The following FARS2 variants were observed in gnomAD, a reference collection of about 807,000 sequenced individuals.
The protein encoded by FARS2 is phenylalanine--tRNA ligase, mitochondrial.
In FARS2, 40 loss-of-function variants were observed where a neutral mutation model predicts 46.4. The observed-to-expected ratio is 0.86, with a 90% confidence interval of 0.67 to 1.12. The LOEUF is 1.12. Ranked by LOEUF, FARS2 falls within the 50% of genes most tolerant of loss-of-function variation. The pLI is 0.00. For missense variants in FARS2, 513 were observed against 567.9 expected, an observed-to-expected ratio of 0.90 and a Z score of 0.98; for synonymous variants, 234 against 214.9, an observed-to-expected ratio of 1.09 and a Z score of -0.78.
intron 2 of FARS2, among the ~76,000 whole-genome samples, chr6:5,390,325 C>T (rs962829288): frequency 5.9e-5 from 9 of 152,182 alleles, no homozygotes; most frequent in African/African-American, 2.2e-4. Context: ...ATTTCATCAG[C>T]GTTAGGATTA....
At chr6:5,308,879 G>C (rs1768904872) in intron 1 of FARS2, among the ~76,000 whole-genome samples, 1 of 152,170 alleles carries the variant, frequency 6.6e-6, no homozygotes, top group South Asian at 2.1e-4. Flanking sequence ...TTTGATGTCT[G>C]GTAGGGCTTT....
intron 5 of FARS2, among the ~76,000 whole-genome samples, chr6:5,580,981 C>A (rs1468561082): frequency 1.3e-5 from 2 of 152,346 alleles, no homozygotes; most frequent in South Asian, 2.1e-4. Context: ...AAAGTTTTCC[C>A]TCTGTGTGCA....
intron 6 of FARS2, among the ~76,000 whole-genome samples, chr6:5,669,320 G>T (rs1778324287): frequency 6.6e-6 from 1 of 152,074 alleles, no homozygotes; most frequent in Admixed American, 6.5e-5. Context: ...TGCTCCCGCA[G>T]GTCCCATAGT....
chr6:5,766,906 A>T (rs143307715), intron 6 of FARS2, among the ~76,000 whole-genome samples: 3 of 151,100 alleles, frequency 2.0e-5, no homozygotes, highest in Non-Finnish European at 4.4e-5. Flanking sequence ...ATTGTACAAT[A>T]TGTGTTCTAT....
intron 4 of FARS2, among the ~76,000 whole-genome samples, chr6:5,490,114 C>G (rs1035210177): frequency 1.3e-5 from 2 of 152,116 alleles, no homozygotes; most frequent in Admixed American, 6.5e-5. Flanking sequence ...TATGGTTTGC[C>G]TTTTCTAGAA....
intron 4 of FARS2, among the ~76,000 whole-genome samples, chr6:5,535,221 G>T (rs1341101743): frequency 6.6e-6 from 1 of 152,074 alleles, no homozygotes. Context: ...TTTGCCTATT[G>T]TTCCATTTAT....
intron 3 of FARS2, among the ~76,000 whole-genome samples, chr6:5,405,990 A>G (rs908610842): frequency 6.6e-6 from 1 of 152,204 alleles, no homozygotes; most frequent in African/African-American, 2.4e-5. Context: ...ATTTTTCAAA[A>G]AATATTTGTT....
chr6:5,299,303 A>G (rs1470587726), intron 1 of FARS2, among the ~76,000 whole-genome samples: 1 of 152,196 alleles, frequency 6.6e-6, no homozygotes, highest in African/African-American at 2.4e-5. Context: ...ACTCCTGTGT[A>G]TTTAAACACT....
intron 5 of FARS2, among the ~76,000 whole-genome samples, chr6:5,603,455 G>A (rs1052950320): frequency 3.3e-5 from 5 of 152,160 alleles, no homozygotes; most frequent in Non-Finnish European, 7.3e-5. Flanking sequence ...TCATAAACAG[G>A]TACCACAGCC....
At chr6:5,760,663 C>T (rs1040460596) in intron 6 of FARS2, among the ~76,000 whole-genome samples, 4 of 152,264 alleles carry the variant, frequency 2.6e-5, no homozygotes, top group Non-Finnish European at 4.4e-5. Context: ...TTTCTGTACT[C>T]TACCGTCTGT....
intron 4 of FARS2, among the ~76,000 whole-genome samples, chr6:5,461,483 ACAAT>A (rs1163638706): frequency 7.2e-5 from 11 of 152,136 alleles, no homozygotes; most frequent in African/African-American, 2.2e-4. Flanking sequence ...AGCCACCATC[ACAAT>A]CAACCCCAAA....
intron 5 of FARS2, among the ~76,000 whole-genome samples, chr6:5,567,740 C>A (rs1772403995): frequency 1.3e-5 from 2 of 152,214 alleles, no homozygotes; most frequent in African/African-American, 2.4e-5. Flanking sequence ...TCAAATCCAT[C>A]CCCAACATCA....
the FARS2 span, among the ~76,000 whole-genome samples, chr6:5,251,625 C>T: frequency 7.9e-5 from 12 of 152,224 alleles, no homozygotes; most frequent in South Asian, 2.1e-4. Flanking sequence ...TGGTGCTAAA[C>T]TATTCATGAG....
intron 6 of FARS2, among the ~76,000 whole-genome samples, chr6:5,655,168 C>T (rs544767169): frequency 9.2e-5 from 14 of 152,214 alleles, no homozygotes; most frequent in Middle Eastern, 3.4e-3. Context: ...GTTCGAGGGT[C>T]CACCGTATAT....
At chr6:5,525,075 C>T (rs945211892) in intron 4 of FARS2, among the ~76,000 whole-genome samples, 1 of 151,912 alleles carries the variant, frequency 6.6e-6, no homozygotes, top group Admixed American at 6.6e-5. Flanking sequence ...GGGTGGTGTT[C>T]CTTCTTTCCT....
At chr6:5,578,643 A>G (rs764319035) in intron 5 of FARS2, among the ~76,000 whole-genome samples, 3 of 151,874 alleles carry the variant, frequency 2.0e-5, no homozygotes, top group Non-Finnish European at 2.9e-5. Context: ...CCCCATCTCC[A>G]CTAAAAATAC....
intron 6 of FARS2, among the ~76,000 whole-genome samples, chr6:5,634,925 T>C (rs1201706600): frequency 1.3e-5 from 2 of 152,210 alleles, no homozygotes; most frequent in Non-Finnish European, 2.9e-5. Flanking sequence ...GTAGTTTTTG[T>C]CATATTCCCT....
At chr6:5,646,645 C>T (rs535333542) in intron 6 of FARS2, among the ~76,000 whole-genome samples, 1 of 152,268 alleles carries the variant, frequency 6.6e-6, no homozygotes, top group East Asian at 1.9e-4. Context: ...CAGGGATGCT[C>T]AAGTCCCTGA....
upstream of FARS2, chr6:5,260,608 C>A: frequency 4.9e-5 from 66 of 1,338,000 alleles, no homozygotes; most frequent in Non-Finnish European, 6.3e-5. Flanking sequence ...TCCCCGGCCC[C>A]TGGCCCCCCG....
Sources: gnomAD v4.1 joint callset for allele counts (sites outside exome capture counted in the v4.1 genomes callset) on GRCh38, gnomAD v4.1.1 for gene constraint, MANE v1.5 for transcripts, NCBI Gene and HGNC (gene_info 2026-07-23, HGNC 2026-07-21) for gene names.